AAK1: variants seen among roughly 807,000 people sequenced by gnomAD.
The protein encoded by AAK1 is AP2-associated protein kinase 1.
AAK1 carries 37 observed loss-of-function variants against 116.0 expected under a neutral mutation model. The ratio of observed to expected loss-of-function variants is 0.32; its 90% CI spans 0.25 to 0.42. The LOEUF (loss-of-function observed/expected upper bound fraction) is 0.42. Ranked by LOEUF, AAK1 falls within the 10% of genes least tolerant of loss-of-function variation. The pLI, the probability that AAK1 is intolerant of heterozygous loss-of-function variation, is 1.00. For synonymous variants in AAK1, 458 were observed against 439.9 expected (o/e 1.04, Z -0.51); for missense variants, 919 against 1,170.6 (o/e 0.79, Z 3.14).
chr2:69,543,227 G>C (rs959784988), intron 4 of AAK1, among the ~76,000 whole-genome samples: 2 of 152,168 alleles, frequency 1.3e-5, no homozygotes, highest in African/African-American at 4.8e-5. Flanking sequence ...ATGCCTGGAT[G>C]CTCCTACTGC....
At chr2:69,631,580 C>A (rs1160698035) in intron 2 of AAK1, among the ~76,000 whole-genome samples, 1 of 152,248 alleles carries the variant, frequency 6.6e-6, no homozygotes, top group Non-Finnish European at 1.5e-5. Context: ...TCACCCACAG[C>A]AGACCTCAAA....
At chr2:69,587,800 C>CT (rs1672855243) in intron 2 of AAK1, among the ~76,000 whole-genome samples, 1 of 151,926 alleles carries the variant, frequency 6.6e-6, no homozygotes, top group East Asian at 1.9e-4. Flanking sequence ...TTTGTAGAGA[C>CT]AGAGTTTTAC....
chr2:69,640,990 T>G (rs567634302), intron 2 of AAK1, among the ~76,000 whole-genome samples: 1 of 152,322 alleles, frequency 6.6e-6, no homozygotes, highest in East Asian at 1.9e-4. Context: ...GGCAACTCCA[T>G]AAACTGTTGA....
intron 2 of AAK1, among the ~76,000 whole-genome samples, chr2:69,615,729 TC>T (rs763413297): frequency 6.6e-6 from 1 of 152,208 alleles, no homozygotes; most frequent in Non-Finnish European, 1.5e-5. Flanking sequence ...TAAATTCACT[TC>T]CCGGACTTGA....
rs2104876185 is a variant in AAK1 at position 69,473,067 on chromosome 2, C to T, written c.*2802G>A. 1 of 956,510 alleles carries T rather than the reference C, an allele frequency of 1.0e-6. No homozygotes were observed. Among genetic ancestry groups the T allele is most frequent in the South Asian group, 4.8e-5 (1 of 20,668 alleles). 59.3% of individuals were successfully genotyped at this position (956,510 alleles called of 1,614,324 possible). ...AATAATATATACTTAGGACCCTATACTTCTATAATCTTAAAGACCATCTAG... is the reference window on the plus strand; with the variant it reads ...AATAATATATACTTAGGACCCTATATTTCTATAATCTTAAAGACCATCTAG... On this transcript the variant is annotated 3_prime_UTR_variant, in exon 22 of 22. Coordinates refer to ENST00000409085, the MANE Select transcript of AAK1 (RefSeq NM_014911.5).
chr2:69,493,569 ATCT>A (rs1452922696), intron 17 of AAK1, among the ~76,000 whole-genome samples: 14 of 152,268 alleles, frequency 9.2e-5, no homozygotes, highest in African/African-American at 3.1e-4. Context: ...CATTTGTCGG[ATCT>A]GTAAATACTC....
At chr2:69,546,585 T>C (rs969337846) in intron 3 of AAK1, among the ~76,000 whole-genome samples, 5 of 152,206 alleles carry the variant, frequency 3.3e-5, no homozygotes, top group African/African-American at 1.2e-4. Context: ...TCAGCAATGT[T>C]GCCTCTGAGT....
chr2:69,488,592 A>G (rs1675394096), intron 17 of AAK1, among the ~76,000 whole-genome samples: 1 of 152,228 alleles, frequency 6.6e-6, no homozygotes, highest in South Asian at 2.1e-4. Context: ...TGTTTGGTAC[A>G]TAAAAGGGGA....
At position 69,466,579 on chromosome 2, in the gene AAK1, T is replaced by C. The variant is rs947580867; in HGVS notation, c.*9290A>G. On this transcript the variant is annotated 3_prime_UTR_variant, in exon 22 of 22. Coordinates refer to ENST00000409085, the MANE Select transcript of AAK1 (RefSeq NM_014911.5). The stretch of plus-strand genomic sequence containing the variant: ...AGAAAAGCATAAAATGCAGAATTAA[T>C]GTGTAGGTCAATTCAACTCTATTTG... The C allele has an allele frequency of 8.6e-5, 101 of 1,168,010 alleles. 1 individual carries two copies. Among genetic ancestry groups the C allele is most frequent in the Non-Finnish European group, 1.8e-5 (17 of 929,386 alleles). The allele number at this position is 1,168,010 out of a possible 1,614,324, so 72.4% of individuals were successfully genotyped here.
At chr2:69,607,863 C>T (rs553226978) in intron 2 of AAK1, among the ~76,000 whole-genome samples, 1 of 152,286 alleles carries the variant, frequency 6.6e-6, no homozygotes, top group South Asian at 2.1e-4. Flanking sequence ...GCCTGATAAT[C>T]TCATCAGGTG....
chr2:69,580,901 A>T lies in AAK1; in HGVS notation c.164-23923T>A, dbSNP rs1045629798. 9.2e-5 allele frequency among the ~76,000 whole-genome samples: 14 copies of T among 152,308 alleles called. No homozygotes were observed. The East Asian group carries it at 2.7e-3, about 29-fold the overall frequency. ...TCTAATGCGCAAAATGATGGTCACC[A>T]CCAGCCCAAGGACAGTCATATGCAT... is the stretch of plus-strand genomic sequence containing the variant. On this transcript the variant is annotated intron_variant, in intron 2 of 21. Coordinates refer to ENST00000409085, the MANE Select transcript of AAK1 (RefSeq NM_014911.5).
chr2:69,641,286 T>A (rs1390924890), intron 2 of AAK1, among the ~76,000 whole-genome samples: 1 of 152,112 alleles, frequency 6.6e-6, no homozygotes, highest in Non-Finnish European at 1.5e-5. Context: ...TGGCCCTTCG[T>A]TTCTCCTGAT....
chr2:69,586,195 T>A (rs1037132007), intron 2 of AAK1, among the ~76,000 whole-genome samples: 1 of 152,202 alleles, frequency 6.6e-6, no homozygotes, highest in Non-Finnish European at 1.5e-5. Flanking sequence ...TCTAAAATAA[T>A]CATTATGCAG....
intron 12 of AAK1, among the ~76,000 whole-genome samples, chr2:69,516,070 C>T (rs1293016533): frequency 1.3e-5 from 2 of 152,000 alleles, no homozygotes; most frequent in Non-Finnish European, 1.5e-5. Flanking sequence ...TTCACATATC[C>T]ACAAAACAGA....
chr2:69,540,243 G>T (rs10204359), intron 5 of AAK1, among the ~76,000 whole-genome samples: 19,813 of 150,380 alleles, frequency 0.13, 3,947 homozygotes, highest in African/African-American at 0.43. Context: ...TGCCTCAGCC[G>T]CCTAAGTAGC....
chr2:69,490,660 A>G (rs1001527682), intron 17 of AAK1, among the ~76,000 whole-genome samples: 10 of 150,932 alleles, frequency 6.6e-5, no homozygotes, highest in Non-Finnish European at 1.0e-4. Flanking sequence ...GGCTGGGGGG[A>G]GGGGAAATAG....
intron 17 of AAK1, among the ~76,000 whole-genome samples, chr2:69,490,944 C>CAT (rs1268751092): frequency 6.6e-6 from 1 of 151,600 alleles, no homozygotes; most frequent in Non-Finnish European, 1.5e-5. Context: ...CACACACACA[C>CAT]ACTTTTTAAG....
At chr2:69,483,225 T>G (rs1675163880) in intron 17 of AAK1, among the ~76,000 whole-genome samples, 1 of 152,212 alleles carries the variant, frequency 6.6e-6, no homozygotes, top group African/African-American at 2.4e-5. Flanking sequence ...TTACAGTCAG[T>G]GCCTTCCTCT....
At position 69,531,691 on chromosome 2, in the gene AAK1, T is replaced by C. The variant is rs544728403; in HGVS notation, c.656+350A>G. 9.7e-6 allele frequency: 10 copies of C among 1,026,378 alleles called. No homozygotes were observed. The African/African-American group carries it at 1.4e-4, about 14-fold the overall frequency. The allele number at this position is 1,026,378 out of a possible 1,614,324, so 63.6% of individuals were successfully genotyped here. A position where few individuals can be genotyped will look rare whatever the true frequency, so the allele number is the denominator to read the frequency against. ...CACATCTGTTTGACTGATAATGTCATGGTTGTTGTGATCATACTTAAAAAC... is the reference window on the plus strand; with the variant it reads ...CACATCTGTTTGACTGATAATGTCACGGTTGTTGTGATCATACTTAAAAAC... On this transcript the variant is annotated intron_variant, in intron 6 of 21. Transcript: ENST00000409085.
Sources: gnomAD v4.1 joint callset for allele counts (sites outside exome capture counted in the v4.1 genomes callset) on GRCh38, gnomAD v4.1.1 for gene constraint, MANE v1.5 for transcripts, NCBI Gene and HGNC (gene_info 2026-07-23, HGNC 2026-07-21) for gene names.